SGTB: variants seen among roughly 807,000 people sequenced by gnomAD.
SGTB encodes the protein small glutamine-rich tetratricopeptide repeat-containing protein beta.
SGTB carries 19 observed loss-of-function variants against 43.9 expected under a neutral mutation model. That is an observed-to-expected ratio of 0.43 (90% CI 0.30 to 0.63). The LOEUF is 0.63. Among genes scored for constraint, SGTB ranks in the 30% least tolerant of loss-of-function variants. SGTB has a pLI of 0.12. For missense variants in SGTB, 304 were observed against 358.9 expected (o/e 0.85, Z 1.24); for synonymous variants, 116 against 117.3 (o/e 0.99, Z 0.07).
intron 6 of SGTB, 80 bp from the exon 7 acceptor site, chr5:65,680,874 C>A: frequency 1.4e-6 from 2 of 1,436,296 alleles, no homozygotes; most frequent in South Asian, 1.3e-5. Context: ...AAACGTCTGT[C>A]TGTCTTGGTA....
intron 6 of SGTB, among the ~76,000 whole-genome samples, chr5:65,681,635 C>T (rs1284751984): frequency 1.3e-5 from 2 of 152,036 alleles, no homozygotes; most frequent in African/African-American, 2.4e-5. Flanking sequence ...TTTACTGAAA[C>T]TCTATGATGT....
chr5:65,696,115 T>C (rs983451457), intron 5 of SGTB, among the ~76,000 whole-genome samples: 2 of 152,244 alleles, frequency 1.3e-5, no homozygotes, highest in Non-Finnish European at 2.9e-5. Flanking sequence ...TACAATGGCC[T>C]GAGGCTTCTT....
At chr5:65,699,912 G>C (rs1757781758) in intron 5 of SGTB, among the ~76,000 whole-genome samples, 1 of 152,116 alleles carries the variant, frequency 6.6e-6, no homozygotes, top group Admixed American at 6.5e-5. Flanking sequence ...AATTTGATAG[G>C]GGCAAAACTT....
At chr5:65,687,733 G>A (rs769573049) in intron 5 of SGTB, among the ~76,000 whole-genome samples, 7 of 152,194 alleles carry the variant, frequency 4.6e-5, no homozygotes, top group Non-Finnish European at 1.0e-4. Context: ...GAATGACAAT[G>A]GAATCCTACC....
intron 5 of SGTB, among the ~76,000 whole-genome samples, chr5:65,686,410 A>C (rs1273883146): frequency 6.6e-6 from 1 of 152,210 alleles, no homozygotes; most frequent in Non-Finnish European, 1.5e-5. Context: ...TCTACAGACA[A>C]GAGTCTCACG....
At chr5:65,704,441 A>G (rs1418274464) in intron 4 of SGTB, 63 bp from the exon 5 acceptor site, 4 of 1,207,912 alleles carry the variant, frequency 3.3e-6, no homozygotes, top group South Asian at 1.6e-5. Flanking sequence ...ACACTCTTAT[A>G]GACACATTTT....
intron 2 of SGTB, among the ~76,000 whole-genome samples, chr5:65,713,719 G>A (rs571114295): frequency 5.5e-4 from 84 of 152,264 alleles, no homozygotes; most frequent in Non-Finnish European, 7.1e-4. Flanking sequence ...CTACCAGAAA[G>A]AGCAAGTCAT....
intron 5 of SGTB, among the ~76,000 whole-genome samples, chr5:65,685,992 T>C (rs140553248): frequency 6.6e-6 from 1 of 152,228 alleles, no homozygotes; most frequent in African/African-American, 2.4e-5. Context: ...CTCATAATCT[T>C]GTCCCTCATC....
In SGTB at chr5:65,677,390, GCTGAAT is replaced by G. The variant is rs1404916935; in HGVS notation, c.681+3098_681+3103del. ...AAGCCCAGGACCAGACGAATTCACA[GCTGAAT>G]TCTACCAGAGGTACAAAGAAGAGCT... On this transcript the variant is annotated intron_variant, in intron 8 of 10. Coordinates refer to ENST00000381007, the MANE Select transcript of SGTB (RefSeq NM_019072.3). Among the ~76,000 whole-genome samples, 4 of 148,554 alleles carry G rather than the reference GCTGAAT, an allele frequency of 2.7e-5. No individual in the cohort carries two copies. The East Asian group carries it at 7.8e-4, about 29-fold the overall frequency.
At chr5:65,672,342 G>T (rs1444250405) in intron 8 of SGTB, 61 bp from the exon 9 acceptor site, 17 of 1,533,870 alleles carry the variant, frequency 1.1e-5, no homozygotes, top group African/African-American at 3.8e-5. Context: ...TCTTAGCAAA[G>T]ATTTTTTTTT....
chr5:65,706,301 T>A (rs1379500489), intron 4 of SGTB, among the ~76,000 whole-genome samples: 9 of 152,190 alleles, frequency 5.9e-5, no homozygotes, highest in Non-Finnish European at 1.5e-5. Context: ...TAGTTTGATT[T>A]CCATGTCAAA....
At chr5:65,710,922 G>T (rs1250582475) in intron 3 of SGTB, among the ~76,000 whole-genome samples, 1 of 151,346 alleles carries the variant, frequency 6.6e-6, no homozygotes, top group Non-Finnish European at 1.5e-5. Context: ...CTTGAAACTG[G>T]CAGGCAGAAG....
At chr5:65,684,237 ACCACT>A (rs1446505479) in intron 6 of SGTB, among the ~76,000 whole-genome samples, 1 of 151,816 alleles carries the variant, frequency 6.6e-6, no homozygotes, top group East Asian at 2.0e-4. Context: ...GGTGTACCCC[ACCACT>A]CCTGGATAAT....
intron 8 of SGTB, among the ~76,000 whole-genome samples, chr5:65,677,667 A>G (rs1028656545): frequency 1.3e-5 from 2 of 152,150 alleles, no homozygotes; most frequent in Non-Finnish European, 2.9e-5. Flanking sequence ...TTCATCCCCA[A>G]GATGCAAGGC....
chr5:65,720,794 T>A lies in SGTB; in HGVS notation c.14A>T (p.Lys5Met), dbSNP rs1304351731. ...ACGAATAACTGCATAAACCAGGTGC[T>A]TGATAGATGACATTTTAGAAGCTTA... MSSI[K>M]HLVYAVIRFL... The change falls in exon 2 of 11, where the codon AAG (lysine) becomes ATG (methionine). Residue 5 changes from lysine (K) to methionine (M), a missense_variant. Coordinates refer to ENST00000381007, the MANE Select transcript of SGTB (RefSeq NM_019072.3). 8.7e-6 allele frequency: 14 copies of A among 1,613,350 alleles called. No homozygotes were observed. In the Admixed American group the frequency reaches 1.0e-4, roughly 12 times the overall value.
chr5:65,670,091 T>C lies in SGTB; in HGVS notation c.*155A>G. 1 of 588,234 alleles carries C rather than the reference T, an allele frequency of 1.7e-6. No homozygotes were observed. Among genetic ancestry groups the C allele is most frequent in the Non-Finnish European group, 2.9e-6 (1 of 340,326 alleles). 36.4% of individuals were successfully genotyped at this position (588,234 alleles called of 1,614,324 possible). A position where few individuals can be genotyped will look rare whatever the true frequency, so the allele number is the denominator to read the frequency against. ...AAACCTATTGTCTAAACAGATTTATTCTTTAAGAATATACACAAGAGGTTT... is the reference window on the plus strand; with the variant it reads ...AAACCTATTGTCTAAACAGATTTATCCTTTAAGAATATACACAAGAGGTTT... On this transcript the variant is annotated 3_prime_UTR_variant, in exon 11 of 11. Transcript: ENST00000381007.
rs1360407722 is a variant in SGTB at position 65,667,565 on chromosome 5, G to T, written c.*2681C>A. 1.3e-5 allele frequency: 2 copies of T among 152,152 alleles called. No homozygotes were observed. The highest frequency in any genetic ancestry group is 1.9e-4 in the East Asian group (1 of 5,198). The allele number at this position is 152,152 out of a possible 1,614,324, so 9.4% of individuals were successfully genotyped here. On this transcript the variant is annotated 3_prime_UTR_variant, in exon 11 of 11. Transcript: ENST00000381007. The stretch of plus-strand genomic sequence containing the variant: ...GATGGAATATGAATTTAACTTCTGA[G>T]GGCCGAAGACTTAAATTGTGCTCTT...
chr5:65,689,105 T>C (rs766835880), intron 5 of SGTB, among the ~76,000 whole-genome samples: 2 of 152,222 alleles, frequency 1.3e-5, no homozygotes, highest in Non-Finnish European at 2.9e-5. Flanking sequence ...CCACCATGCC[T>C]GGCCTTTTAA....
intron 3 of SGTB, among the ~76,000 whole-genome samples, chr5:65,709,767 AT>A (rs766456888): frequency 6.6e-6 from 1 of 152,066 alleles, no homozygotes; most frequent in Non-Finnish European, 1.5e-5. Flanking sequence ...CACCTGGGTA[AT>A]TTTTTTATAT....
Sources: gnomAD v4.1 joint callset for allele counts (sites outside exome capture counted in the v4.1 genomes callset) on GRCh38, gnomAD v4.1.1 for gene constraint, MANE v1.5 for transcripts, NCBI Gene and HGNC (gene_info 2026-07-23, HGNC 2026-07-21) for gene names.